SPATA18: variants seen among roughly 807,000 people sequenced by gnomAD.
The protein encoded by SPATA18 is spermatogenesis associated 18.
SPATA18 carries 54 observed loss-of-function variants against 68.1 expected under a neutral mutation model. The observed-to-expected ratio is 0.79, with a 90% confidence interval of 0.64 to 0.99. The LOEUF (loss-of-function observed/expected upper bound fraction) is 0.99. Ranked by LOEUF, SPATA18 falls within the 50% of genes least tolerant of loss-of-function variation. SPATA18 has a pLI of 0.00. For synonymous variants in SPATA18, 242 were observed against 244.8 expected (o/e 0.99, Z 0.11); for missense variants, 724 against 681.1 (o/e 1.06, Z -0.70).
At chr4:52,088,748 T>G (rs1391397588) in intron 11 of SPATA18, among the ~76,000 whole-genome samples, 2 of 152,168 alleles carry the variant, frequency 1.3e-5, no homozygotes, top group African/African-American at 4.8e-5. Flanking sequence ...ATTTTCTTTT[T>G]TTGTTGTGTC....
intron 11 of SPATA18, among the ~76,000 whole-genome samples, chr4:52,087,487 G>A (rs1419023803): frequency 1.3e-5 from 2 of 152,058 alleles, no homozygotes; most frequent in Admixed American, 6.6e-5. Flanking sequence ...CTGCATTATG[G>A]CTAGCCAGTT....
At position 52,060,895 on chromosome 4, in the gene SPATA18, C is replaced by T. The variant is rs769441989; in HGVS notation, c.307C>T (p.Gln103Ter). The change falls in exon 3 of 13, where the codon CAG (glutamine) becomes TAG (stop). Residue 103 changes from glutamine to a stop codon, truncating the protein, a stop_gained and splice_region_variant. Transcript: ENST00000295213. LOFTEE classifies it high-confidence loss of function. ...TGTTGACAGCAAGGTCCCCTCTCTG[C>T]AGGTAGGGATGCTGAAGGATAACCC... is the stretch of plus-strand genomic sequence containing the variant. ...KSVDSKVPSL[Q>*]DTFDRERHKD... 1.9e-6 allele frequency: 3 copies of T among 1,612,178 alleles called. No individual in the cohort carries two copies. The East Asian group carries it at 6.7e-5, about 36-fold the overall frequency.
In SPATA18 at chr4:52,062,683, A is replaced by T. The variant is rs553108272; in HGVS notation, c.422+351A>T. 4.9e-4 allele frequency among the ~76,000 whole-genome samples: 74 copies of T among 152,238 alleles called. 1 individual carries two copies. The highest frequency in any genetic ancestry group is 1.7e-3 in the African/African-American group (71 of 41,570). On this transcript the variant is annotated intron_variant, in intron 4 of 12. Coordinates refer to ENST00000295213, the MANE Select transcript of SPATA18 (RefSeq NM_145263.4). Reference sequence around the variant, plus strand: ...TCTACCTATTGGGAGAAAAATTTTTAAAAAGATGTGAAAGGGAAAGAATAA... The same window carrying T: ...TCTACCTATTGGGAGAAAAATTTTTTAAAAGATGTGAAAGGGAAAGAATAA...
At chr4:52,068,702 T>C (rs1739538780) in intron 4 of SPATA18, among the ~76,000 whole-genome samples, 1 of 152,208 alleles carries the variant, frequency 6.6e-6, no homozygotes, top group Admixed American at 6.5e-5. Flanking sequence ...GGATAAAGGC[T>C]GGTGTGAGTT....
intron 1 of SPATA18, among the ~76,000 whole-genome samples, chr4:52,054,613 A>G (rs975501529): frequency 6.6e-6 from 1 of 152,252 alleles, no homozygotes; most frequent in Admixed American, 6.5e-5. Flanking sequence ...TATTACAATT[A>G]GGCCCTATAC....
chr4:52,051,747 C>T lies in SPATA18; in HGVS notation c.43C>T (p.Arg15Ter). The change falls in exon 1 of 13, where the codon CGA becomes TGA. Residue 15 changes from arginine (R) to a stop codon, truncating the protein, a stop_gained. Coordinates refer to ENST00000295213, the MANE Select transcript of SPATA18 (RefSeq NM_145263.4). LOFTEE classifies it high-confidence loss of function. Reference protein sequence around the residue: ...LKRLVSNETLRTLQEKLDFWL... With the variant: ...LKRLVSNETL ...AAGACTGGTCTCAAACGAAACTTTA[C>T]GAACGTTGCAGGAAAAGCTAGACTT... 1 of 1,614,210 alleles carries T rather than the reference C, an allele frequency of 6.2e-7. No individual in the cohort carries two copies. The highest frequency in any genetic ancestry group is 8.5e-7 in the Non-Finnish European group (1 of 1,180,046).
intron 4 of SPATA18, among the ~76,000 whole-genome samples, chr4:52,068,359 A>G (rs1214039894): frequency 6.6e-6 from 1 of 152,208 alleles, no homozygotes; most frequent in Non-Finnish European, 1.5e-5. Flanking sequence ...ACCGTGTGAC[A>G]GGAACTGTTT....
chr4:52,060,504 T>C lies in SPATA18; in HGVS notation c.173T>C (p.Leu58Pro), dbSNP rs374661277. ...GTGCAGGGACAACTCTTTGGGATCC[T>C]CACAGCAGCAGCCCAAGAAGGTGAG... ...AKVQGQLFGI[L>P]TAAAQEGGRN... Residue 58 changes from leucine to proline, a missense_variant, in exon 2 of 13, where the codon CTC becomes CCC. By Grantham distance (98) the Leu-to-Pro change is moderately conservative. Coordinates refer to ENST00000295213, the MANE Select transcript of SPATA18 (RefSeq NM_145263.4). 31 of 1,613,990 alleles carry C rather than the reference T, an allele frequency of 1.9e-5. No individual in the cohort carries two copies. In the Admixed American group the frequency reaches 2.0e-4, roughly 10 times the overall value.
Position 52,076,843 on chromosome 4 carries a change from G to A in SPATA18, c.823G>A (p.Ala275Thr). Residue 275 changes from alanine (A) to threonine (T), a missense_variant, in exon 7 of 13, where the codon GCC (alanine) becomes ACC (threonine). Transcript: ENST00000295213. The stretch of plus-strand genomic sequence containing the variant: ...CCGTAGCTGCAGCCGCAGCAGATCT[G>A]CCAGCCCCTCCACCGCTGTCAAGGT... ...RSRSCSRSRS[A>T]SPSTAVKVRR... 1.2e-6 allele frequency: 2 copies of A among 1,614,158 alleles called. No homozygotes were observed. Among genetic ancestry groups the A allele is most frequent in the East Asian group, 2.2e-5 (1 of 44,864 alleles).
intron 11 of SPATA18, among the ~76,000 whole-genome samples, chr4:52,086,146 A>G (rs1409602198): frequency 6.6e-6 from 1 of 152,132 alleles, no homozygotes; most frequent in African/African-American, 2.4e-5. Flanking sequence ...AACCCTACAC[A>G]CTTTTCTGAA....
intron 3 of SPATA18, among the ~76,000 whole-genome samples, chr4:52,061,898 GT>G (rs1738888463): frequency 6.6e-6 from 1 of 152,106 alleles, no homozygotes. Context: ...ATTTCAAACT[GT>G]TTTTGGAAAT....
intron 1 of SPATA18, among the ~76,000 whole-genome samples, chr4:52,053,976 T>C (rs1376206047): frequency 6.6e-6 from 1 of 152,148 alleles, no homozygotes; most frequent in Non-Finnish European, 1.5e-5. Context: ...CCCTTTAAGC[T>C]CTTTAACCTT....
chr4:52,094,301 C>T (rs773076209), intron 11 of SPATA18, among the ~76,000 whole-genome samples: 19 of 152,120 alleles, frequency 1.2e-4, no homozygotes, highest in Non-Finnish European at 7.3e-5. Flanking sequence ...AGTATGGCTG[C>T]TCTTAGGCTA....
At position 52,051,651 on chromosome 4, in the gene SPATA18, C is replaced by A; in HGVS notation, c.-54C>A. On this transcript the variant is annotated 5_prime_UTR_variant, in exon 1 of 13. In the 5' UTR this introduces an upstream ATG that the reference lacks. Transcript: ENST00000295213. ...CCCACGGTCCTGCGGAGGCCACCGCCTGGTCCCCCCAAGTCTCCATCGCGC... is the reference window on the plus strand; with the variant it reads ...CCCACGGTCCTGCGGAGGCCACCGCATGGTCCCCCCAAGTCTCCATCGCGC... The A allele has an allele frequency of 6.4e-7, 1 of 1,567,356 alleles. No individual in the cohort carries two copies. The highest frequency in any genetic ancestry group is 1.1e-5 in the South Asian group (1 of 90,148).
At chr4:52,059,692 G>C (rs550354525) in intron 1 of SPATA18, among the ~76,000 whole-genome samples, 23 of 152,332 alleles carry the variant, frequency 1.5e-4, no homozygotes, top group South Asian at 8.3e-4. Context: ...TTCCGCTGCA[G>C]AGTAACTGGC....
At chr4:52,090,862 A>G (rs1447172597) in intron 11 of SPATA18, among the ~76,000 whole-genome samples, 1 of 152,046 alleles carries the variant, frequency 6.6e-6, no homozygotes, top group Non-Finnish European at 1.5e-5. Context: ...TATCTCCTGG[A>G]TAATAACCTG....
chr4:52,061,049 G>A (rs1738807135), intron 3 of SPATA18, 152 bp downstream of exon 3: 1 of 663,260 alleles, frequency 1.5e-6, no homozygotes, highest in African/African-American at 1.8e-5. Flanking sequence ...GACGGTGTTA[G>A]TTTTTGAACA....
At chr4:52,057,600 T>G (rs531457776) in intron 1 of SPATA18, among the ~76,000 whole-genome samples, 1 of 152,306 alleles carries the variant, frequency 6.6e-6, no homozygotes, top group East Asian at 1.9e-4. Context: ...TTCTAATTAT[T>G]GTGTACCTCT....
At chr4:52,066,393 G>A (rs920816035) in intron 4 of SPATA18, among the ~76,000 whole-genome samples, 3 of 151,964 alleles carry the variant, frequency 2.0e-5, no homozygotes, top group African/African-American at 7.3e-5. Flanking sequence ...CTCATGATCC[G>A]CCCACCTCAG....
Sources: allele counts gnomAD v4.1 joint callset (sites outside exome capture counted in the v4.1 genomes callset), GRCh38; gene constraint gnomAD v4.1.1; transcripts MANE v1.5; gene names NCBI Gene and HGNC (gene_info 2026-07-23, HGNC 2026-07-21).